AGBL1: variants seen among roughly 807,000 people sequenced by gnomAD.
AGBL1 encodes cytosolic carboxypeptidase 4.
In AGBL1, 130 loss-of-function variants were observed where a neutral mutation model predicts 118.9. That is an observed-to-expected ratio of 1.09 (90% CI 0.95 to 1.26). The LOEUF (loss-of-function observed/expected upper bound fraction) is 1.26. AGBL1 is among the 50% of genes most tolerant of loss of function. The pLI is 0.00. For synonymous variants in AGBL1, 555 were observed against 478.9 expected (o/e 1.16, Z -2.08); for missense variants, 1,584 against 1,298.1 (o/e 1.22, Z -3.38).
At chr15:86,842,420 C>T (rs77335630) in intron 22 of AGBL1, among the ~76,000 whole-genome samples, 5,008 of 152,194 alleles carry the variant, frequency 0.033, 277 homozygotes, top group African/African-American at 0.11. Flanking sequence ...TGCCTGAGCT[C>T]TGTGGCAGGC....
chr15:86,272,409 A>AAT (rs772090882), intron 15 of AGBL1, among the ~76,000 whole-genome samples: 1 of 152,198 alleles, frequency 6.6e-6, no homozygotes, highest in Non-Finnish European at 1.5e-5. Flanking sequence ...TGAGAGGTAG[A>AAT]ATATATATAA....
chr15:86,979,276 T>C (rs567260785), intron 23 of AGBL1, among the ~76,000 whole-genome samples: 10 of 152,284 alleles, frequency 6.6e-5, no homozygotes, highest in African/African-American at 1.9e-4. Flanking sequence ...CAGTGCAATA[T>C]TGAAAATGCA....
intron 18 of AGBL1, among the ~76,000 whole-genome samples, chr15:86,419,624 C>T (rs770808344): frequency 2.0e-5 from 3 of 151,908 alleles, no homozygotes; most frequent in Non-Finnish European, 4.4e-5. Flanking sequence ...ACCATTCACT[C>T]CCCTGGAAAA....
At chr15:86,705,317 A>G (rs1306849694) in intron 22 of AGBL1, among the ~76,000 whole-genome samples, 1 of 151,880 alleles carries the variant, frequency 6.6e-6, no homozygotes, top group Non-Finnish European at 1.5e-5. Flanking sequence ...CAAAACAAAA[A>G]CCCTCTTTTT....
At chr15:86,986,379 C>A (rs1441419867) in intron 23 of AGBL1, among the ~76,000 whole-genome samples, 1 of 152,162 alleles carries the variant, frequency 6.6e-6, no homozygotes, top group Non-Finnish European at 1.5e-5. Context: ...TATATTTACA[C>A]ACACATATAC....
intron 18 of AGBL1, among the ~76,000 whole-genome samples, chr15:86,431,468 T>C: frequency 6.6e-6 from 1 of 152,168 alleles, no homozygotes; most frequent in South Asian, 2.1e-4. Context: ...TAATTTGCAA[T>C]AGGGCAATTT....
At position 86,527,684 on chromosome 15, in the gene AGBL1, C is replaced by T. The variant is rs781246847; in HGVS notation, c.2685+4745C>T. Among the ~76,000 whole-genome samples, 6 of 152,262 alleles carry T rather than the reference C, an allele frequency of 3.9e-5. No homozygotes were observed. In the South Asian group the frequency reaches 8.3e-4, roughly 21 times the overall value. On this transcript the variant is annotated intron_variant, in intron 19 of 22. Transcript: ENST00000614907. ...TGTTTTCTGAAGCACTGGGAAGCCACTTTATGGTGGCTAGGAAGATCCACC... is the reference window on the plus strand; with the variant it reads ...TGTTTTCTGAAGCACTGGGAAGCCATTTTATGGTGGCTAGGAAGATCCACC...
chr15:86,137,599 A>C (rs777292789), intron 1 of AGBL1, among the ~76,000 whole-genome samples: 1 of 151,970 alleles, frequency 6.6e-6, no homozygotes, highest in Non-Finnish European at 1.5e-5. Context: ...TTTTGTTTTA[A>C]ATTTTTTTTT....
chr15:86,263,520 G>A (rs1048829600), intron 10 of AGBL1, among the ~76,000 whole-genome samples: 1 of 152,202 alleles, frequency 6.6e-6, no homozygotes, highest in Non-Finnish European at 1.5e-5. Flanking sequence ...AGGGTGCCCT[G>A]CCCCCATGCA....
chr15:87,009,525 T>C (rs1196270887), intron 24 of AGBL1, among the ~76,000 whole-genome samples: 1 of 151,770 alleles, frequency 6.6e-6, no homozygotes, highest in Non-Finnish European at 1.5e-5. Flanking sequence ...CCACACAGAG[T>C]CCCCACTGGG....
In AGBL1 at chr15:86,839,973, T is replaced by C. The variant is rs371901698; in HGVS notation, c.3159-67114T>C. On this transcript the variant is annotated intron_variant, in intron 22 of 22. Coordinates refer to ENST00000614907, the MANE Select transcript of AGBL1 (RefSeq NM_001386094.1). The stretch of plus-strand genomic sequence containing the variant: ...TACCTTTCCAGGCAAGTCACAACTT[T>C]CTTATATCTGATTGGGCAGAAGGTT... Among the ~76,000 whole-genome samples the C allele has an allele frequency of 2.4e-3, 369 of 152,324 alleles. 1 individual carries two copies. Among genetic ancestry groups the C allele is most frequent in the African/African-American group, 8.6e-3 (359 of 41,570 alleles).
rs537194747 is a variant in AGBL1 at position 86,507,572 on chromosome 15, A to AGTG, written c.2556-15237_2556-15235dup. Among the ~76,000 whole-genome samples, 270 of 152,294 alleles carry AGTG rather than the reference A, an allele frequency of 1.8e-3. 8 individuals carry two copies. In the South Asian group the frequency reaches 0.054, roughly 30 times the overall value. On this transcript the variant is annotated intron_variant, in intron 18 of 22. Coordinates refer to ENST00000614907, the MANE Select transcript of AGBL1 (RefSeq NM_001386094.1). Reference sequence around the variant, plus strand: ...TACAATGATGGATAGTGTTAATTGTAGTGAATAAAATAATGTAGGTTGGAA... The same window carrying AGTG: ...TACAATGATGGATAGTGTTAATTGTAGTGGTGAATAAAATAATGTAGGTTGGAA...
chr15:86,377,511 C>T (rs538310908), intron 17 of AGBL1, among the ~76,000 whole-genome samples: 4 of 152,132 alleles, frequency 2.6e-5, no homozygotes, highest in Non-Finnish European at 4.4e-5. Flanking sequence ...CACAATTTTT[C>T]CTGGTCAGTG....
chr15:86,525,255 G>A (rs558710623), intron 19 of AGBL1, among the ~76,000 whole-genome samples: 128 of 151,888 alleles, frequency 8.4e-4, no homozygotes, highest in African/African-American at 2.9e-3. Context: ...ACATGACACC[G>A]ACAAATGGAA....
chr15:86,609,984 T>C (rs2084634768), intron 21 of AGBL1, among the ~76,000 whole-genome samples: 1 of 152,166 alleles, frequency 6.6e-6, no homozygotes, highest in African/African-American at 2.4e-5. Context: ...CTTGTGCAAG[T>C]TCACAGATCA....
chr15:86,963,336 A>C (rs187262808), intron 23 of AGBL1, among the ~76,000 whole-genome samples: 6 of 152,226 alleles, frequency 3.9e-5, no homozygotes, highest in Admixed American at 6.6e-5. Flanking sequence ...GCCAAATGTC[A>C]AGTTTAGAAA....
At chr15:86,395,566 C>T (rs2081349779) in intron 17 of AGBL1, among the ~76,000 whole-genome samples, 1 of 152,064 alleles carries the variant, frequency 6.6e-6, no homozygotes, top group Admixed American at 6.6e-5. Flanking sequence ...TTTTTCTACC[C>T]AGTGCTCCTG....
At chr15:86,925,088 T>C (rs4887248) in intron 23 of AGBL1, among the ~76,000 whole-genome samples, 93,483 of 140,962 alleles carry the variant, frequency 0.66, 31,560 homozygotes, top group Non-Finnish European at 0.75. Flanking sequence ...TGTGACAGAG[T>C]GAGACTCTGT....
At chr15:86,896,579 C>T (rs2080130789) in intron 22 of AGBL1, among the ~76,000 whole-genome samples, 1 of 152,104 alleles carries the variant, frequency 6.6e-6, no homozygotes, top group Non-Finnish European at 1.5e-5. Flanking sequence ...GGTTTTCTAA[C>T]TTTGTTGCGT....
Sources: allele counts gnomAD v4.1 joint callset (sites outside exome capture counted in the v4.1 genomes callset), GRCh38; gene constraint gnomAD v4.1.1; transcripts MANE v1.5; gene names NCBI Gene and HGNC (gene_info 2026-07-23, HGNC 2026-07-21).